The following PDHX variants were observed in gnomAD, a reference collection of about 807,000 sequenced individuals.
The protein encoded by PDHX is pyruvate dehydrogenase complex component X.
Under a neutral mutation model 55.3 loss-of-function variants are expected in PDHX, and 33 were observed. The ratio of observed to expected loss-of-function variants is 0.60; its 90% CI spans 0.45 to 0.80. The LOEUF is 0.80. PDHX is among the 30% of genes least tolerant of loss of function. The probability of loss-of-function intolerance (pLI) is 0.00; values close to 1 mark genes in which losing one functional copy is unlikely to be tolerated. For missense variants in PDHX, 622 were observed against 619.9 expected (o/e 1.00, Z -0.04); for synonymous variants, 226 against 219.4 (o/e 1.03, Z -0.27).
At chr11:34,926,749 G>GAAGTATGAGCATTTTGTTC (rs199840928) in intron 1 of PDHX, among the ~76,000 whole-genome samples, 3,706 of 152,052 alleles carry the variant, frequency 0.024, 80 homozygotes, top group South Asian at 0.083. Flanking sequence ...TGAGTTTGCT[G>GAAGTATGAGCATTTTGTTC]AAGTATGAGC....
chr11:34,923,570 A>G (rs1223921079), intron 1 of PDHX, among the ~76,000 whole-genome samples: 2 of 152,072 alleles, frequency 1.3e-5, no homozygotes, highest in African/African-American at 2.4e-5. Flanking sequence ...TTTTTTGGAT[A>G]ATAGCCATCC....
intron 4 of PDHX, among the ~76,000 whole-genome samples, chr11:34,958,076 A>G (rs1471791744): frequency 6.6e-6 from 1 of 152,212 alleles, no homozygotes; most frequent in East Asian, 1.9e-4. Context: ...TCTGTAACAA[A>G]ACAGATAACT....
Position 34,920,854 on chromosome 11 carries a change from A to G in PDHX, c.160+4039A>G, listed in dbSNP as rs115517459. ...GTGTAAAGGAGGAAAATGCTTATCC[A>G]TTTAATATGAAAATAAAGGATGTCA... On this transcript the variant is annotated intron_variant, in intron 1 of 10. Transcript: ENST00000227868. 4.3e-3 allele frequency among the ~76,000 whole-genome samples: 649 copies of G among 152,326 alleles called. 6 individuals are homozygous for G. The highest frequency in any genetic ancestry group is 0.015 in the African/African-American group (627 of 41,582).
intron 5 of PDHX, among the ~76,000 whole-genome samples, chr11:34,963,012 G>T (rs145485467): frequency 5.8e-4 from 88 of 152,028 alleles, no homozygotes; most frequent in African/African-American, 2.1e-3. Flanking sequence ...AACTCTCCAC[G>T]AGAAAGGCAT....
chr11:34,956,820 A>G (rs879798000), intron 3 of PDHX, among the ~76,000 whole-genome samples: 2 of 152,174 alleles, frequency 1.3e-5, no homozygotes, highest in Admixed American at 6.5e-5. Flanking sequence ...AATTAAATAT[A>G]AAGAAGTAGA....
chr11:34,952,605 A>G (rs998050021), intron 3 of PDHX, among the ~76,000 whole-genome samples: 6 of 151,928 alleles, frequency 3.9e-5, no homozygotes, highest in Admixed American at 6.6e-5. Flanking sequence ...GATTATCTCA[A>G]TAGATGCCGA....
chr11:34,919,112 A>G (rs1454382244), intron 1 of PDHX, among the ~76,000 whole-genome samples: 1 of 152,210 alleles, frequency 6.6e-6, no homozygotes, highest in Admixed American at 6.5e-5. Flanking sequence ...GGCATTCTGC[A>G]TGTGAAGCTG....
chr11:34,949,868 T>G (rs1295723004), intron 3 of PDHX, among the ~76,000 whole-genome samples: 1 of 152,202 alleles, frequency 6.6e-6, no homozygotes, highest in Non-Finnish European at 1.5e-5. Flanking sequence ...TGATAGATTT[T>G]TATTGATAGA....
intron 1 of PDHX, among the ~76,000 whole-genome samples, chr11:34,921,349 T>C: frequency 6.6e-6 from 1 of 152,194 alleles, no homozygotes; most frequent in South Asian, 2.1e-4. Flanking sequence ...CTTGCCTCAG[T>C]GGTGATTCAG....
At chr11:34,934,571 ATTTTT>A (rs35227178) in intron 2 of PDHX, among the ~76,000 whole-genome samples, 50 of 92,414 alleles carry the variant, frequency 5.4e-4, no homozygotes, top group African/African-American at 2.0e-3. Flanking sequence ...GATATTATGG[ATTTTT>A]TTTTTTTTTT....
chr11:34,933,358 G>A (rs1019476972), intron 2 of PDHX, among the ~76,000 whole-genome samples: 4 of 152,040 alleles, frequency 2.6e-5, no homozygotes. Context: ...TATAACTGAA[G>A]GATAAAGCGT....
chr11:34,965,950 C>T (rs1453442101), intron 5 of PDHX, among the ~76,000 whole-genome samples: 1 of 151,980 alleles, frequency 6.6e-6, no homozygotes, highest in African/African-American at 2.4e-5. Flanking sequence ...TGTAACTTAG[C>T]ATAGTGAGTT....
At chr11:34,968,494 A>G (rs1855184441) in intron 6 of PDHX, among the ~76,000 whole-genome samples, 1 of 152,194 alleles carries the variant, frequency 6.6e-6, no homozygotes, top group Non-Finnish European at 1.5e-5. Flanking sequence ...AAGGAATTAG[A>G]TATAATTTAA....
intron 5 of PDHX, among the ~76,000 whole-genome samples, chr11:34,964,167 T>G (rs1413652187): frequency 6.6e-6 from 1 of 152,202 alleles, no homozygotes; most frequent in East Asian, 1.9e-4. Flanking sequence ...GCTTTTAATG[T>G]CTACCTAATG....
chr11:34,923,942 C>CT (rs776612645), intron 1 of PDHX, among the ~76,000 whole-genome samples: 7 of 152,100 alleles, frequency 4.6e-5, no homozygotes, highest in African/African-American at 1.7e-4. Context: ...AATTAGTGTA[C>CT]TTTAGTCATG....
At chr11:34,988,558 CAAAAAAAA>C (rs201687707) in intron 9 of PDHX, among the ~76,000 whole-genome samples, 5 of 140,584 alleles carry the variant, frequency 3.6e-5, no homozygotes, top group African/African-American at 1.3e-4. Context: ...TGTTTTCTGT[CAAAAAAAA>C]AAAAAAAAGA....
At chr11:34,966,939 C>T in intron 6 of PDHX, 125 bp downstream of exon 6, 1 of 810,312 alleles carries the variant, frequency 1.2e-6, no homozygotes, top group South Asian at 1.5e-5. Context: ...GCAGCCTCTG[C>T]CTCCCAAGTT....
intron 1 of PDHX, among the ~76,000 whole-genome samples, chr11:34,925,696 G>A (rs551783643): frequency 6.6e-6 from 1 of 152,128 alleles, no homozygotes. Context: ...TTCAATCTTT[G>A]TATGTGTACA....
intron 1 of PDHX, among the ~76,000 whole-genome samples, chr11:34,922,896 G>GTA (rs1554983679): frequency 1.5e-5 from 1 of 65,418 alleles, no homozygotes; most frequent in Non-Finnish European, 5.0e-5. Flanking sequence ...GTGTGTGTGT[G>GTA]TGTATGTATT....
Sources: allele counts gnomAD v4.1 joint callset (sites outside exome capture counted in the v4.1 genomes callset), GRCh38; gene constraint gnomAD v4.1.1; transcripts MANE v1.5; gene names NCBI Gene and HGNC (gene_info 2026-07-23, HGNC 2026-07-21).